The following RPTOR variants were observed in gnomAD, a reference collection of about 807,000 sequenced individuals.
RPTOR encodes the protein regulatory-associated protein of mTOR.
RPTOR carries 21 observed loss-of-function variants against 169.9 expected under a neutral mutation model. That is an observed-to-expected ratio of 0.12 (90% CI 0.09 to 0.18). RPTOR has a LOEUF of 0.18. Ranked by LOEUF, RPTOR falls within the 10% of genes least tolerant of loss-of-function variation. RPTOR has a pLI of 1.00. For missense variants in RPTOR, 1,133 were observed against 1,855.9 expected (o/e 0.61, Z 7.16); for synonymous variants, 732 against 753.2 (o/e 0.97, Z 0.46).
chr17:80,602,955 G>A, intron 1 of RPTOR: 1 of 382,380 alleles, frequency 2.6e-6, no homozygotes, highest in East Asian at 5.7e-5. Flanking sequence ...GAAAGGAAAA[G>A]GACAGTTGAG....
At chr17:80,608,866 C>T (rs888657086) in intron 1 of RPTOR, among the ~76,000 whole-genome samples, 20 of 152,272 alleles carry the variant, frequency 1.3e-4, no homozygotes, top group African/African-American at 3.9e-4. Flanking sequence ...CAGATGGAAC[C>T]GCTATAGTCT....
At chr17:80,619,911 C>T (rs1280652111) in intron 1 of RPTOR, among the ~76,000 whole-genome samples, 1 of 152,158 alleles carries the variant, frequency 6.6e-6, no homozygotes, top group Non-Finnish European at 1.5e-5. Flanking sequence ...TGCTTGACGG[C>T]CCCCAGCCTC....
At position 80,912,847 on chromosome 17, in the gene RPTOR, C is replaced by G. The variant is rs557614783; in HGVS notation, c.2520+3918C>G. Among the ~76,000 whole-genome samples the G allele has an allele frequency of 2.6e-5, 4 of 152,324 alleles. No homozygotes were observed. The East Asian group carries it at 7.7e-4, about 29-fold the overall frequency. Reference sequence around the variant, plus strand: ...TAAAAGTGGCATTTGCCTTCTGTGCCTGCTTTGCCGTTCTAGAATGACACA... The same window carrying G: ...TAAAAGTGGCATTTGCCTTCTGTGCGTGCTTTGCCGTTCTAGAATGACACA... On this transcript the variant is annotated intron_variant, in intron 21 of 33. Transcript: ENST00000306801.
At chr17:80,738,833 T>C (rs988382602) in intron 5 of RPTOR, among the ~76,000 whole-genome samples, 1 of 152,246 alleles carries the variant, frequency 6.6e-6, no homozygotes, top group African/African-American at 2.4e-5. Flanking sequence ...GATGTATCCA[T>C]GATGCATTAA....
chr17:80,798,488 C>G (rs1001257957), intron 7 of RPTOR, among the ~76,000 whole-genome samples: 3 of 152,092 alleles, frequency 2.0e-5, no homozygotes, highest in Non-Finnish European at 4.4e-5. Flanking sequence ...GGACACCAGT[C>G]CCTCAGGGGG....
intron 7 of RPTOR, among the ~76,000 whole-genome samples, chr17:80,800,297 G>A (rs1044248189): frequency 6.6e-6 from 1 of 152,182 alleles, no homozygotes; most frequent in African/African-American, 2.4e-5. Context: ...CCTCAGAACT[G>A]CTGCACGATA....
At chr17:80,773,880 G>A (rs1010442514) in intron 6 of RPTOR, 34 of 985,268 alleles carry the variant, frequency 3.5e-5, no homozygotes, top group Middle Eastern at 5.2e-4. Context: ...TCCCTCAGAC[G>A]TCGACCGCTT....
chr17:80,683,671 A>G (rs767828590), intron 3 of RPTOR, among the ~76,000 whole-genome samples: 3 of 151,828 alleles, frequency 2.0e-5, no homozygotes, highest in Non-Finnish European at 4.4e-5. Context: ...ATAAATTCTT[A>G]TTTTATCCCA....
intron 6 of RPTOR, among the ~76,000 whole-genome samples, chr17:80,788,790 G>A (rs559290830): frequency 3.6e-4 from 55 of 152,288 alleles, no homozygotes; most frequent in African/African-American, 1.2e-3. Context: ...AGCAACAGCT[G>A]TGTTATATTA....
chr17:80,623,827 T>A (rs1176325686), intron 1 of RPTOR, among the ~76,000 whole-genome samples: 1 of 152,180 alleles, frequency 6.6e-6, no homozygotes, highest in Non-Finnish European at 1.5e-5. Flanking sequence ...TGAGCCACCG[T>A]GCCCAGCCTA....
At chr17:80,963,960 G>T (rs115608397) in intron 33 of RPTOR, among the ~76,000 whole-genome samples, 2,437 of 152,210 alleles carry the variant, frequency 0.016, 64 homozygotes, top group African/African-American at 0.055. Flanking sequence ...GTGTTGTGAG[G>T]CTCCAGGCAT....
At chr17:80,742,658 CAT>C (rs1193833181) in intron 5 of RPTOR, among the ~76,000 whole-genome samples, 1 of 142,484 alleles carries the variant, frequency 7.0e-6, no homozygotes, top group African/African-American at 2.7e-5. Context: ...CATATAAACA[CAT>C]GCACATACAC....
At chr17:80,944,204 C>A (rs977014544) in intron 25 of RPTOR, among the ~76,000 whole-genome samples, 1 of 152,202 alleles carries the variant, frequency 6.6e-6, no homozygotes, top group African/African-American at 2.4e-5. Context: ...ATCTGTGATT[C>A]TGTAATAGAT....
rs944165156 is a variant in RPTOR at position 80,708,748 on chromosome 17, A to G, written c.507+749A>G. On this transcript the variant is annotated intron_variant, in intron 4 of 33. Coordinates refer to ENST00000306801, the MANE Select transcript of RPTOR (RefSeq NM_020761.3). The surrounding 1 kb of genome is among the most constrained non-coding windows in gnomAD (Gnocchi z 4.2). ...TTGGTCTGTCTCAGAGCAGCCAGCT[A>G]TGGGTCTCACTGCGCTCTGCGTGAT... is the stretch of plus-strand genomic sequence containing the variant. Among the ~76,000 whole-genome samples, 4 of 152,140 alleles carry G rather than the reference A, an allele frequency of 2.6e-5. No homozygotes were observed. Among genetic ancestry groups the G allele is most frequent in the Admixed American group, 1.3e-4 (2 of 15,286 alleles).
At chr17:80,881,977 T>C (rs192227732) in intron 14 of RPTOR, among the ~76,000 whole-genome samples, 13 of 152,366 alleles carry the variant, frequency 8.5e-5, no homozygotes, top group East Asian at 5.8e-4. Flanking sequence ...TCAGAAACGA[T>C]TGATTTTTCT....
At chr17:80,657,809 G>A (rs1021502596) in intron 3 of RPTOR, among the ~76,000 whole-genome samples, 1 of 152,116 alleles carries the variant, frequency 6.6e-6, no homozygotes, top group African/African-American at 2.4e-5. Context: ...GATACACTGT[G>A]TATCTGGGGT....
intron 6 of RPTOR, among the ~76,000 whole-genome samples, chr17:80,769,236 G>A (rs796686133): frequency 5.2e-4 from 42 of 80,782 alleles, no homozygotes; most frequent in African/African-American, 2.2e-3. Context: ...GTAAAATGGT[G>A]TGAATTAATC....
chr17:80,822,795 C>CATGT (rs1555623279), intron 8 of RPTOR, among the ~76,000 whole-genome samples: 22 of 151,634 alleles, frequency 1.5e-4, no homozygotes, highest in Middle Eastern at 3.4e-3. Flanking sequence ...TATGTGTGTG[C>CATGT]GTGTATTTGT....
chr17:80,650,889 G>A (rs771386336), intron 3 of RPTOR, among the ~76,000 whole-genome samples: 7 of 152,082 alleles, frequency 4.6e-5, no homozygotes, highest in Non-Finnish European at 8.8e-5. Flanking sequence ...TCTATTAATT[G>A]ACCTACTTGA....
Sources: gnomAD v4.1 joint callset for allele counts (sites outside exome capture counted in the v4.1 genomes callset) on GRCh38, gnomAD v4.1.1 for gene constraint, Gnocchi (gnomAD v3.1) non-coding constraint, MANE v1.5 for transcripts, NCBI Gene and HGNC (gene_info 2026-07-23, HGNC 2026-07-21) for gene names.